Variants in DNMBP observed in about 807,000 individuals in gnomAD.
DNMBP encodes the protein dynamin-binding protein.
A neutral mutation model predicts 150.0 loss-of-function variants in DNMBP; 87 were observed. That is an observed-to-expected ratio of 0.58 (90% confidence interval 0.49 to 0.69). The LOEUF (loss-of-function observed/expected upper bound fraction) is 0.69, where lower values mean the gene tolerates loss of function less well. Ranked by LOEUF, DNMBP falls within the 30% of genes least tolerant of loss-of-function variation. The probability of loss-of-function intolerance (pLI) is 0.00; values close to 1 mark genes in which losing one functional copy is unlikely to be tolerated. For missense variants in DNMBP, 1,774 were observed against 1,949.0 expected, an observed-to-expected ratio of 0.91 and a Z score of 1.69; for synonymous variants, 711 against 750.4, an observed-to-expected ratio of 0.95 and a Z score of 0.86.
rs761756214 is a variant in DNMBP at position 99,886,458 on chromosome 10, G to A, written c.3460C>T (p.Arg1154Trp). The A allele has an allele frequency of 2.5e-5, 40 of 1,614,020 alleles. No individual in the cohort carries two copies. The highest frequency in any genetic ancestry group is 1.3e-4 in the Admixed American group (8 of 59,986). The change falls in exon 13 of 17, where the codon CGG becomes TGG. Residue 1154 changes from arginine (R) to tryptophan (W), a missense_variant. By Grantham distance (101) the Arg-to-Trp change is moderately radical (BLOSUM62 -3). Coordinates refer to ENST00000324109, the MANE Select transcript of DNMBP (RefSeq NM_015221.4). ...KKTLEELQSA[R>W]NNYEALNAQL... ...GCATTCAGGGCCTCATAGTTGTTCCGGGCCGACTGCAGCTCCTCCAGGGTC... is the reference window on the plus strand; with the variant it reads ...GCATTCAGGGCCTCATAGTTGTTCCAGGCCGACTGCAGCTCCTCCAGGGTC...
chr10:99,909,334 A>G (rs771686136), intron 4 of DNMBP, among the ~76,000 whole-genome samples, 188 bp from the exon 5 acceptor site: 1 of 152,228 alleles, frequency 6.6e-6, no homozygotes, highest in Non-Finnish European at 1.5e-5. Context: ...ATCACTGCAG[A>G]GAGAACTCCA....
At chr10:99,915,104 A>AT (rs1361637505) in intron 4 of DNMBP, among the ~76,000 whole-genome samples, 17 of 104,750 alleles carry the variant, frequency 1.6e-4, no homozygotes, top group Non-Finnish European at 2.8e-4. Flanking sequence ...CAAAAAAAAA[A>AT]AAAAATATAT....
intron 7 of DNMBP, among the ~76,000 whole-genome samples, chr10:99,899,350 C>T (rs2039704887): frequency 6.6e-6 from 1 of 152,028 alleles, no homozygotes; most frequent in Non-Finnish European, 1.5e-5. Context: ...ACCTATAATC[C>T]CAGCACTTTG....
At chr10:99,919,976 AAAG>A (rs1293111737) in intron 4 of DNMBP, among the ~76,000 whole-genome samples, 1 of 152,244 alleles carries the variant, frequency 6.6e-6, no homozygotes, top group African/African-American at 2.4e-5. Context: ...TCATGAAACA[AAAG>A]AATAAGACAA....
chr10:99,910,310 G>A (rs2039883989), intron 4 of DNMBP, among the ~76,000 whole-genome samples: 2 of 152,252 alleles, frequency 1.3e-5, no homozygotes, highest in African/African-American at 4.8e-5. Flanking sequence ...GGGAGGCCAA[G>A]GCTGGCAGAT....
At chr10:99,895,857 A>G (rs1183837996) in intron 10 of DNMBP, among the ~76,000 whole-genome samples, 1 of 152,228 alleles carries the variant, frequency 6.6e-6, no homozygotes, top group Admixed American at 6.5e-5. Context: ...AGTATAGCAG[A>G]ATGATGTCTG....
At chr10:99,898,382 T>A (rs776867303) in intron 8 of DNMBP, 97 bp from the exon 9 acceptor site, 4 of 919,466 alleles carry the variant, frequency 4.4e-6, no homozygotes, top group South Asian at 2.8e-5. Flanking sequence ...AACTTTTTTT[T>A]AACATAATAA....
chr10:100,006,344 T>C (rs74152909), intron 1 of DNMBP, among the ~76,000 whole-genome samples: 1,815 of 152,300 alleles, frequency 0.012, 29 homozygotes, highest in African/African-American at 0.042. Context: ...CTTGCCTCCC[T>C]GTAGAAATAA....
At chr10:99,977,899 C>T (rs529588760) in intron 1 of DNMBP, among the ~76,000 whole-genome samples, 1 of 152,184 alleles carries the variant, frequency 6.6e-6, no homozygotes, top group Non-Finnish European at 1.5e-5. Flanking sequence ...TACCTTCCAG[C>T]TTGTCTATCT....
In DNMBP at chr10:99,939,937, C is replaced by T. The variant is rs114887142; in HGVS notation, c.2260+15277G>A. Among the ~76,000 whole-genome samples the T allele has an allele frequency of 6.7e-3, 1,022 of 152,304 alleles. 11 individuals carry two copies. Among genetic ancestry groups the T allele is most frequent in the African/African-American group, 0.023 (975 of 41,560 alleles). ...CTGTCCACATCCCTATGGTTGCATC[C>T]GCAACCAATCAGCAGCACCCATTCC... is the stretch of plus-strand genomic sequence containing the variant. On this transcript the variant is annotated intron_variant, in intron 4 of 16. Coordinates refer to ENST00000324109, the MANE Select transcript of DNMBP (RefSeq NM_015221.4).
chr10:99,931,841 C>T lies in DNMBP; in HGVS notation c.2261-22695G>A, dbSNP rs75309982. 3.2e-3 allele frequency among the ~76,000 whole-genome samples: 490 copies of T among 152,316 alleles called. 1 individual carries two copies. The highest frequency in any genetic ancestry group is 0.011 in the African/African-American group (464 of 41,560). On this transcript the variant is annotated intron_variant, in intron 4 of 16. Coordinates refer to ENST00000324109, the MANE Select transcript of DNMBP (RefSeq NM_015221.4). ...ATGGAGCAAAGACAAACAGCAACAG[C>T]ACCAAAGCAAAGTCCCTGGCATGGC...
Position 99,956,094 on chromosome 10 carries a change from A to AGG in DNMBP, c.1378_1379dup (p.Pro461LeufsTer9). On this transcript the variant is annotated frameshift_variant, in exon 4 of 17. Transcript: ENST00000324109. LOFTEE classifies it high-confidence loss of function. Reference sequence around the variant, plus strand: ...TTAGCTGGGAATACATTCTTTTGGGAGGTAGGCTGGCATAGTCTCTAGTCC... The same window carrying AGG: ...TTAGCTGGGAATACATTCTTTTGGGAGGGGTAGGCTGGCATAGTCTCTAGTCC... 6.2e-7 allele frequency: 1 copy of AGG among 1,614,108 alleles called. No homozygotes were observed.
In DNMBP at chr10:99,886,845, C is replaced by T. The variant is rs183083635; in HGVS notation, c.3286-213G>A. Among the ~76,000 whole-genome samples, 166 of 152,282 alleles carry T rather than the reference C, an allele frequency of 1.1e-3. 1 individual carries two copies. The highest frequency in any genetic ancestry group is 2.3e-3 in the Non-Finnish European group (156 of 68,026). On this transcript the variant is annotated intron_variant, in intron 12 of 16. Coordinates refer to ENST00000324109, the MANE Select transcript of DNMBP (RefSeq NM_015221.4). ...CACAAGACTTCTCACTAGATACCTT[C>T]AATTCCCACATCAAGGAGTATGTAA...
chr10:99,889,103 A>G, intron 11 of DNMBP, 150 bp from the exon 12 acceptor site: 1 of 855,732 alleles, frequency 1.2e-6, no homozygotes, highest in Non-Finnish European at 1.7e-6. Flanking sequence ...TGAAATAAGC[A>G]TATTTTCATA....
chr10:100,005,086 T>C (rs1326329518), intron 1 of DNMBP, among the ~76,000 whole-genome samples: 2 of 152,052 alleles, frequency 1.3e-5, no homozygotes, highest in African/African-American at 4.8e-5. Flanking sequence ...TTGAAAACCA[T>C]GGATAGCTGG....
intron 11 of DNMBP, among the ~76,000 whole-genome samples, chr10:99,890,304 G>A (rs2039537274): frequency 6.6e-6 from 1 of 152,096 alleles, no homozygotes; most frequent in Admixed American, 6.5e-5. Context: ...GTTCTTGCTG[G>A]TTTTCTCGCT....
At position 99,955,863 on chromosome 10, in the gene DNMBP, T is replaced by C. The variant is rs762482380; in HGVS notation, c.1611A>G (p.Ala537=). Residue 537 remains alanine, a synonymous_variant, in exon 4 of 17, where the codon GCA becomes GCG. Transcript: ENST00000324109. ...PQAQGLVMEA[A]THSQGDGSTD... The stretch of plus-strand genomic sequence containing the variant: ...TGCTGCCGTCTCCCTGTGAATGTGT[T>C]GCTGCTTCCATAACAAGCCCTTGGG... The C allele has an allele frequency of 1.2e-6, 2 of 1,614,216 alleles. No individual in the cohort carries two copies. The highest frequency in any genetic ancestry group is 1.1e-5 in the South Asian group (1 of 91,088).
chr10:99,880,744 C>A (rs1175300657), intron 15 of DNMBP, among the ~76,000 whole-genome samples: 1 of 152,166 alleles, frequency 6.6e-6, no homozygotes, highest in Non-Finnish European at 1.5e-5. Flanking sequence ...GAGATCATGC[C>A]TAAGAGGAAG....
At chr10:99,896,200 A>T in intron 10 of DNMBP, 67 bp downstream of exon 10, 1 of 1,561,902 alleles carries the variant, frequency 6.4e-7, no homozygotes, top group Non-Finnish European at 8.7e-7. Flanking sequence ...GACGCCAGGC[A>T]GGCTGTCTCA....
Sources: gnomAD v4.1 joint callset for allele counts (sites outside exome capture counted in the v4.1 genomes callset) on GRCh38, gnomAD v4.1.1 for gene constraint, MANE v1.5 for transcripts, NCBI Gene and HGNC (gene_info 2026-07-23, HGNC 2026-07-21) for gene names.